The following CFAP65 variants were observed in gnomAD, a reference collection of about 807,000 sequenced individuals.
CFAP65 encodes the protein cilia- and flagella-associated protein 65.
CFAP65 carries 155 observed loss-of-function variants against 208.0 expected under a neutral mutation model. The observed-to-expected ratio is 0.75, with a 90% confidence interval of 0.65 to 0.85. The LOEUF is 0.85. CFAP65 is among the 40% of genes least tolerant of loss of function. The pLI, the probability that CFAP65 is intolerant of heterozygous loss-of-function variation, is 0.00. For synonymous variants in CFAP65, 970 were observed against 986.3 expected (o/e 0.98, Z 0.31); for missense variants, 2,294 against 2,451.3 (o/e 0.94, Z 1.36).
chr2:219,009,170 G>A lies in CFAP65; in HGVS notation c.4567-16C>T. ...GCGAGTACAGCTATGGCCCAGGACAGAGAGAGAGAAGGCCAAGGTCTGGAG... is the reference window on the plus strand; with the variant it reads ...GCGAGTACAGCTATGGCCCAGGACAAAGAGAGAGAAGGCCAAGGTCTGGAG... On this transcript the variant is annotated splice_polypyrimidine_tract_variant and intron_variant, in intron 28 of 34. Transcript: ENST00000341552. 1 of 1,587,652 alleles carries A rather than the reference G, an allele frequency of 6.3e-7. No homozygotes were observed.
At chr2:219,030,558 C>T in intron 9 of CFAP65, 131 bp downstream of exon 9, 1 of 1,253,146 alleles carries the variant, frequency 8.0e-7, no homozygotes, top group Non-Finnish European at 1.1e-6. Flanking sequence ...CTGTTGACAG[C>T]TGACATGGGT....
rs1946355067 is a variant in CFAP65, at chr2:219,009,949, A to C, written c.4445T>G (p.Phe1482Cys). 1 of 1,609,320 alleles carries C rather than the reference A, an allele frequency of 6.2e-7. No individual in the cohort carries two copies. Among genetic ancestry groups the C allele is most frequent in the East Asian group, 2.2e-5 (1 of 44,850 alleles). Residue 1482 changes from phenylalanine to cysteine, a missense_variant, in exon 27 of 35, where the codon TTT becomes TGT. Physicochemically the swap from Phe to Cys is radical, Grantham distance 205. This residue lies in a region of CFAP65 where 1,427 missense variants were observed against 1,438.7 expected (regional missense o/e 0.99). Coordinates refer to ENST00000341552, the MANE Select transcript of CFAP65 (RefSeq NM_194302.4). ...GGCTCAGGGGACTCTCACCTCCCCAAAATCTAGAGGACTTGGCTGCCAGGA... is the reference window on the plus strand; with the variant it reads ...GGCTCAGGGGACTCTCACCTCCCCACAATCTAGAGGACTTGGCTGCCAGGA... The part of the protein sequence containing the change: ...AFSWQPSPLD[F>C]GEVSVSPMIG...
chr2:219,036,739 C>A (rs576516519), intron 4 of CFAP65, among the ~76,000 whole-genome samples: 2 of 152,164 alleles, frequency 1.3e-5, no homozygotes, highest in African/African-American at 4.8e-5. Context: ...CCATCATGCC[C>A]GGCCAGCATT....
intron 16 of CFAP65, among the ~76,000 whole-genome samples, 190 bp from the exon 17 acceptor site, chr2:219,022,519 C>T (rs185274110): frequency 6.6e-5 from 10 of 152,302 alleles, no homozygotes; most frequent in Admixed American, 6.5e-4. Context: ...CCCACGGGGT[C>T]AGTAGTATTA....
chr2:219,010,620 C>T lies in CFAP65; in HGVS notation c.4234G>A (p.Asp1412Asn), dbSNP rs761772468. The T allele has an allele frequency of 1.9e-6, 3 of 1,611,788 alleles. No individual in the cohort carries two copies. The highest frequency in any genetic ancestry group is 2.5e-6 in the Non-Finnish European group (3 of 1,179,580). ...GVGYNPHMMG[D>N]TAPFHNISSW... ...GAGATGTTGTGGAATGGGGCTGTGT[C>T]CCCCATCATATGGGGGTTGTAGCCC... The change falls in exon 26 of 35, where the codon GAC becomes AAC. Residue 1412 changes from aspartate to asparagine, a missense_variant. Around this residue, in one of 2 missense-constraint regions of CFAP65, gnomAD observed 1,427 missense variants for 1,438.7 expected, o/e 0.99. Transcript: ENST00000341552.
At chr2:219,024,345 G>A in intron 14 of CFAP65, 85 bp from the exon 15 acceptor site, 1 of 1,504,616 alleles carries the variant, frequency 6.6e-7, no homozygotes, top group Non-Finnish European at 8.9e-7. Context: ...GGGCTTGGGA[G>A]GAGCTGTCTC....
Position 219,031,139 on chromosome 2 carries a change from G to A in CFAP65, c.982C>T (p.Arg328Trp), listed in dbSNP as rs1475666555. ...QATCWYGAGS[R>W]QRSSIQLQAV... ...TGCAGCTGGATGCTGCTCCTCTGCC[G>A]GCTGCCCGCCCCGTACCAGCACGTG... The change falls in exon 8 of 35, where the codon CGG (arginine) becomes TGG (tryptophan). Residue 328 changes from arginine (R) to tryptophan (W), a missense_variant. Coordinates refer to ENST00000341552, the MANE Select transcript of CFAP65 (RefSeq NM_194302.4). The surrounding 1 kb of genome is among the most constrained non-coding windows in gnomAD (Gnocchi z 5.2). 6.2e-6 allele frequency: 10 copies of A among 1,601,860 alleles called. No individual in the cohort carries two copies. The highest frequency in any genetic ancestry group is 2.7e-5 in the African/African-American group (2 of 74,808).
In CFAP65 at chr2:219,016,588, C is replaced by A. The variant is rs541637664; in HGVS notation, c.3602+2463G>T. Among the ~76,000 whole-genome samples, 219 of 152,292 alleles carry A rather than the reference C, an allele frequency of 1.4e-3. 1 individual carries two copies. Among genetic ancestry groups the A allele is most frequent in the South Asian group, 0.013 (64 of 4,820 alleles). On this transcript the variant is annotated intron_variant, in intron 21 of 34. Transcript: ENST00000341552. ...GAGATTACAGGCGTGAGCCACCAGG[C>A]CTGGCCCAGTCTCCCTTGTAAATAA...
Position 219,013,998 on chromosome 2 carries a change from C to T in CFAP65, c.3649G>A (p.Ala1217Thr), listed in dbSNP as rs1946667695. ...GTGGAATTCAACTCTGCTTGCTCTG[C>T]CCAGAGCTCCACGTCAATCCGCTGG... ...SDQRIDVELWAEQAELNSTEL... is the reference protein window; with the variant it reads ...SDQRIDVELWTEQAELNSTEL... Residue 1217 changes from alanine to threonine, a missense_variant, in exon 22 of 35, where the codon GCA (alanine) becomes ACA (threonine). Physicochemically the swap from Ala to Thr is moderately conservative, Grantham distance 58. Coordinates refer to ENST00000341552, the MANE Select transcript of CFAP65 (RefSeq NM_194302.4). 3.1e-6 allele frequency: 5 copies of T among 1,613,586 alleles called. No homozygotes were observed. In the South Asian group the frequency reaches 4.4e-5, roughly 14 times the overall value.
rs1946665440 is a variant in CFAP65 at position 219,013,966 on chromosome 2, G to T, written c.3681C>A (p.Leu1227=). ...AEQAELNSTE[L]HQMRVQDNCL... ...AATTGTCCTGCACGCGCATCTGGTG[G>T]AGCTCAGTGGAATTCAACTCTGCTT... Residue 1227 remains leucine, a synonymous_variant, in exon 22 of 35, where the codon CTC becomes CTA. Transcript: ENST00000341552. The T allele has an allele frequency of 6.2e-7, 1 of 1,613,422 alleles. No homozygotes were observed. Among genetic ancestry groups the T allele is most frequent in the Admixed American group, 1.7e-5 (1 of 59,930 alleles).
At chr2:219,007,661 C>T (rs1042517080) in intron 29 of CFAP65, among the ~76,000 whole-genome samples, 2 of 152,020 alleles carry the variant, frequency 1.3e-5, no homozygotes, top group Non-Finnish European at 2.9e-5. Context: ...TCAGACCCTC[C>T]CCCTCCCAAA....
chr2:219,029,770 C>G, intron 10 of CFAP65, 102 bp from the exon 11 acceptor site: 1 of 1,419,474 alleles, frequency 7.0e-7, no homozygotes. Context: ...GGCCCAGAGC[C>G]CTGGCAGCCT....
rs1421411345 is a variant in CFAP65, at chr2:219,003,102, G to A, written c.5693+33C>T. On this transcript the variant is annotated intron_variant, in intron 34 of 34. Transcript: ENST00000341552. The surrounding 1 kb of genome is among the most constrained non-coding windows in gnomAD (Gnocchi z 4.4). ...GCTGCCCCCGTGGCCCCTCTCGCGC[G>A]GTCTGCGCGGCCGCTGGTCCCGGCG... is the stretch of plus-strand genomic sequence containing the variant. The A allele has an allele frequency of 1.3e-6, 2 of 1,543,704 alleles. No individual in the cohort carries two copies. The highest frequency in any genetic ancestry group is 1.4e-5 in the African/African-American group (1 of 72,976).
At position 219,010,793 on chromosome 2, in the gene CFAP65, G is replaced by A. The variant is rs752042834; in HGVS notation, c.4149+12C>T. The A allele has an allele frequency of 3.8e-6, 6 of 1,597,272 alleles. No homozygotes were observed. In the Admixed American group the frequency reaches 6.7e-5, roughly 18 times the overall value. ...CCACCCCACCTCCCACGTCATCCAG[G>A]TTGCTGCTCACCGTGTAGGTCTTGG... is the stretch of plus-strand genomic sequence containing the variant. On this transcript the variant is annotated intron_variant, in intron 25 of 34. Coordinates refer to ENST00000341552, the MANE Select transcript of CFAP65 (RefSeq NM_194302.4).
At position 219,004,830 on chromosome 2, in the gene CFAP65, C is replaced by T. The variant is rs1418149443; in HGVS notation, c.5052-375G>A. 1.7e-4 allele frequency among the ~76,000 whole-genome samples: 4 copies of T among 24,124 alleles called. No individual in the cohort carries two copies. Among genetic ancestry groups the T allele is most frequent in the Admixed American group, 5.3e-4 (1 of 1,892 alleles). 15.8% of individuals were successfully genotyped at this position (24,124 alleles called of 152,430 possible). On this transcript the variant is annotated intron_variant, in intron 32 of 34. Coordinates refer to ENST00000341552, the MANE Select transcript of CFAP65 (RefSeq NM_194302.4). This position sits in a 1 kb window ranked among gnomAD's most constrained non-coding sequence, Gnocchi z 4.7. ...CCCCACTGTCCTGGGGTGGGGGGGCCGGGGGGGGGGACCGTGGTGGGATCT... is the reference window on the plus strand; with the variant it reads ...CCCCACTGTCCTGGGGTGGGGGGGCTGGGGGGGGGGACCGTGGTGGGATCT...
Position 219,005,291 on chromosome 2 carries a change from G to A in CFAP65, c.5051+143C>T, listed in dbSNP as rs540888768. On this transcript the variant is annotated intron_variant, in intron 32 of 34. Transcript: ENST00000341552. ...CCCGCCCACTGCTGCCTCCCAAAGT[G>A]TTGGAATTACAGGCAAGAACCTCCA... 9 of 1,156,670 alleles carry A rather than the reference G, an allele frequency of 7.8e-6. No individual in the cohort carries two copies. The East Asian group carries it at 2.2e-4, about 28-fold the overall frequency. The allele number at this position is 1,156,670 out of a possible 1,614,324, so 71.7% of individuals were successfully genotyped here.
At chr2:219,034,282 A>C (rs552945465) in intron 5 of CFAP65, 1 of 152,338 alleles carries the variant, frequency 6.6e-6, no homozygotes, top group South Asian at 2.1e-4. Flanking sequence ...TAAGAGATCA[A>C]AGGGAGGGCC....
Position 219,032,511 on chromosome 2 carries a change from T to A in CFAP65, c.604A>T (p.Ile202Leu). 6.2e-7 allele frequency: 1 copy of A among 1,606,568 alleles called. No homozygotes were observed. The highest frequency in any genetic ancestry group is 8.5e-7 in the Non-Finnish European group (1 of 1,176,734). ...AAGACGATGGGGAGCGTGAGGGTTA[T>A]GCCTGGGCTCAGGAAGATGGGCTGA... ...IPQPIFLSPGITLTLPIVFRP... is the reference protein window; with the variant it reads ...IPQPIFLSPGLTLTLPIVFRP... The change falls in exon 6 of 35, where the codon ATA (isoleucine) becomes TTA (leucine). Residue 202 changes from isoleucine to leucine, a missense_variant. Ile to Leu is a conservative substitution (Grantham distance 5). Around this residue, in one of 2 missense-constraint regions of CFAP65, gnomAD observed 867 missense variants for 1,012.6 expected, o/e 0.86. Coordinates refer to ENST00000341552, the MANE Select transcript of CFAP65 (RefSeq NM_194302.4). This position sits in a 1 kb window ranked among gnomAD's most constrained non-coding sequence, Gnocchi z 5.5.
Position 219,010,011 on chromosome 2 carries a change from G to A in CFAP65, c.4383C>T (p.Phe1461=), listed in dbSNP as rs1946359420. ...PVQSKCSRLL[F]LNNISKNEEI... ...CCTCGTTCTTGGAGATGTTGTTGAG[G>A]AAGAGCAGGCGGCTGCACTTGCTCT... The change falls in exon 27 of 35, where the codon TTC becomes TTT. Residue 1461 remains phenylalanine, a synonymous_variant. Transcript: ENST00000341552. 6.2e-7 allele frequency: 1 copy of A among 1,612,768 alleles called. No homozygotes were observed. The highest frequency in any genetic ancestry group is 8.5e-7 in the Non-Finnish European group (1 of 1,179,638).
Sources: gnomAD v4.1 joint callset for allele counts (sites outside exome capture counted in the v4.1 genomes callset) on GRCh38, gnomAD v4.1.1 for gene constraint, gnomAD v4.1.1 regional missense constraint, Gnocchi (gnomAD v3.1) non-coding constraint, MANE v1.5 for transcripts, NCBI Gene and HGNC (gene_info 2026-07-23, HGNC 2026-07-21) for gene names.